TRDN: variants seen among roughly 807,000 people sequenced by gnomAD.
TRDN encodes triadin, also known as triadin in skeletal muscle.
TRDN carries 161 observed loss-of-function variants against 149.7 expected under a neutral mutation model. The observed-to-expected ratio is 1.08, with a 90% CI of 0.95 to 1.23. The LOEUF is 1.23. TRDN is among the 50% of genes most tolerant of loss of function. TRDN has a pLI of 0.00. For missense variants in TRDN, 896 were observed against 823.5 expected (o/e 1.09, Z -1.08); for synonymous variants, 294 against 250.5 (o/e 1.17, Z -1.64).
chr6:123,357,416 A>G (rs1262783072), intron 20 of TRDN, among the ~76,000 whole-genome samples: 2 of 152,108 alleles, frequency 1.3e-5, no homozygotes, highest in Non-Finnish European at 2.9e-5. Flanking sequence ...AAAGACTTAG[A>G]TGTTCCTAGA....
intron 10 of TRDN, among the ~76,000 whole-genome samples, chr6:123,449,953 G>T (rs1214130218): frequency 6.6e-6 from 1 of 152,072 alleles, no homozygotes; most frequent in Admixed American, 6.6e-5. Flanking sequence ...CAAGAATTTT[G>T]TATCCAGTGA....
chr6:123,402,078 G>A (rs1444212079), intron 12 of TRDN, among the ~76,000 whole-genome samples: 1 of 152,154 alleles, frequency 6.6e-6, no homozygotes, highest in Admixed American at 6.5e-5. Flanking sequence ...TGGAGCAGAA[G>A]AGTCTTGTTT....
intron 35 of TRDN, among the ~76,000 whole-genome samples, chr6:123,258,175 A>G (rs1340407287): frequency 6.6e-6 from 1 of 152,094 alleles, no homozygotes; most frequent in Admixed American, 6.6e-5. Context: ...TACTATGTTG[A>G]ATAGGAGTGG....
intron 1 of TRDN, among the ~76,000 whole-genome samples, chr6:123,605,969 G>A (rs1240112825): frequency 6.6e-6 from 1 of 152,010 alleles, no homozygotes; most frequent in Non-Finnish European, 1.5e-5. Context: ...CTGTGAAAGA[G>A]GAAGCCAAGC....
At chr6:123,294,640 G>C (rs1247959562) in intron 24 of TRDN, among the ~76,000 whole-genome samples, 1 of 152,118 alleles carries the variant, frequency 6.6e-6, no homozygotes, top group Non-Finnish European at 1.5e-5. Context: ...CTAACAGGAA[G>C]TGTAGATCAG....
chr6:123,523,439 G>T (rs1203674919), intron 5 of TRDN, among the ~76,000 whole-genome samples: 1 of 152,064 alleles, frequency 6.6e-6, no homozygotes, highest in Non-Finnish European at 1.5e-5. Context: ...CTACGAAGCT[G>T]GAACGCTGTA....
rs140512843 is a variant in TRDN, at chr6:123,510,889, C to T, written c.610+1414G>A. On this transcript the variant is annotated intron_variant, in intron 7 of 40. Coordinates refer to ENST00000334268, the MANE Select transcript of TRDN (RefSeq NM_006073.4). The stretch of plus-strand genomic sequence containing the variant: ...GAATTCCTGACCTCAAGTGATTCAC[C>T]GGCCTCGGCCTCCCAGAGTGCTGGT... Among the ~76,000 whole-genome samples the T allele has an allele frequency of 4.5e-3, 689 of 152,250 alleles. 4 individuals are homozygous for T. The highest frequency in any genetic ancestry group is 0.017 in the Middle Eastern group (5 of 294).
chr6:123,245,907 C>G (rs1469076300), intron 38 of TRDN, among the ~76,000 whole-genome samples: 1 of 152,154 alleles, frequency 6.6e-6, no homozygotes, highest in Non-Finnish European at 1.5e-5. Flanking sequence ...ACAGTGCAAT[C>G]AAATTATAAC....
chr6:123,456,868 C>T (rs1045370976), intron 10 of TRDN: 14 of 455,702 alleles, frequency 3.1e-5, no homozygotes, highest in African/African-American at 1.0e-4. Context: ...GAAAGGATGA[C>T]GCCATTTGGA....
At chr6:123,559,340 C>A (rs2114489479) in intron 2 of TRDN, among the ~76,000 whole-genome samples, 1 of 152,288 alleles carries the variant, frequency 6.6e-6, no homozygotes, top group Non-Finnish European at 1.5e-5. Flanking sequence ...AGACAATACT[C>A]TTTTAAGCAC....
chr6:123,543,222 G>A (rs1334074936), intron 4 of TRDN, among the ~76,000 whole-genome samples: 1 of 151,928 alleles, frequency 6.6e-6, no homozygotes, highest in Non-Finnish European at 1.5e-5. Flanking sequence ...ATAACATGTT[G>A]CATTGATCCT....
intron 24 of TRDN, among the ~76,000 whole-genome samples, chr6:123,315,088 T>C (rs984590156): frequency 6.6e-6 from 1 of 152,036 alleles, no homozygotes; most frequent in East Asian, 1.9e-4. Context: ...TTACTTTTTC[T>C]ATTATATATC....
chr6:123,633,119 T>C (rs1314363548), intron 1 of TRDN, among the ~76,000 whole-genome samples: 4 of 152,098 alleles, frequency 2.6e-5, no homozygotes. Flanking sequence ...TAAGCTCTTC[T>C]AACATTTTAA....
At chr6:123,561,500 C>T (rs1441718190) in intron 2 of TRDN, among the ~76,000 whole-genome samples, 1 of 152,070 alleles carries the variant, frequency 6.6e-6, no homozygotes, top group African/African-American at 2.4e-5. Flanking sequence ...CAGACACCAG[C>T]CCAACTTGAA....
intron 1 of TRDN, among the ~76,000 whole-genome samples, chr6:123,606,396 C>A (rs9490833): frequency 0.055 from 8,279 of 151,632 alleles, 243 homozygotes; most frequent in Non-Finnish European, 0.058. Flanking sequence ...TTTTTTTATG[C>A]CATAATTTGT....
At chr6:123,264,436 C>T (rs1776869101) in intron 33 of TRDN, among the ~76,000 whole-genome samples, 1 of 152,056 alleles carries the variant, frequency 6.6e-6, no homozygotes, top group Admixed American at 6.6e-5. Context: ...CAAACTTGAA[C>T]AGACGAGGAG....
intron 8 of TRDN, among the ~76,000 whole-genome samples, chr6:123,499,250 T>A (rs55671920): frequency 0.32 from 48,632 of 152,010 alleles, 8,087 homozygotes; most frequent in Admixed American, 0.44. Context: ...CATGTTGTGA[T>A]GGGATAGTTA....
At chr6:123,633,913 C>G (rs1786148727) in intron 1 of TRDN, among the ~76,000 whole-genome samples, 1 of 151,974 alleles carries the variant, frequency 6.6e-6, no homozygotes, top group Admixed American at 6.6e-5. Flanking sequence ...CCTAATTTCC[C>G]ATGACCATGA....
At chr6:123,623,883 C>T (rs1785519298) in intron 1 of TRDN, among the ~76,000 whole-genome samples, 1 of 151,980 alleles carries the variant, frequency 6.6e-6, no homozygotes, top group Admixed American at 6.6e-5. Context: ...GATTCATTCC[C>T]TAATAGCTTT....
Sources: gnomAD v4.1 joint callset for allele counts (sites outside exome capture counted in the v4.1 genomes callset) on GRCh38, gnomAD v4.1.1 for gene constraint, MANE v1.5 for transcripts, NCBI Gene and HGNC (gene_info 2026-07-23, HGNC 2026-07-21) for gene names.